Variants in LAMA3 observed in about 807,000 individuals in gnomAD.
The protein encoded by LAMA3 is laminin subunit alpha 3.
A neutral mutation model predicts 402.0 loss-of-function variants in LAMA3; 281 were observed. That is an observed-to-expected ratio of 0.70 (90% CI 0.63 to 0.77). LAMA3 has a LOEUF of 0.77. Among genes scored for constraint, LAMA3 ranks in the 30% least tolerant of loss-of-function variants. The pLI is 0.00. For missense variants in LAMA3, 3,840 were observed against 4,215.5 expected (o/e 0.91, Z 2.47); for synonymous variants, 1,431 against 1,558.4 (o/e 0.92, Z 1.93).
At chr18:23,928,518 C>A in intron 63 of LAMA3, 107 bp from the exon 64 acceptor site, 1 of 1,122,662 alleles carries the variant, frequency 8.9e-7, no homozygotes, top group Non-Finnish European at 1.4e-6. Context: ...TCTGAGGTTA[C>A]ATAAATCACA....
chr18:23,858,634 C>T, intron 33 of LAMA3, 55 bp from the exon 34 acceptor site: 2 of 1,589,302 alleles, frequency 1.3e-6, no homozygotes, highest in Non-Finnish European at 1.7e-6. Context: ...TAGCTAATTG[C>T]AACTAGGGAA....
At chr18:23,868,283 A>G (rs2064415550) in intron 37 of LAMA3, among the ~76,000 whole-genome samples, 1 of 152,238 alleles carries the variant, frequency 6.6e-6, no homozygotes, top group Non-Finnish European at 1.5e-5. Flanking sequence ...CAACTTGTAT[A>G]GATTCAAAAC....
chr18:23,868,402 T>G (rs1402593900), intron 37 of LAMA3, among the ~76,000 whole-genome samples: 1 of 152,166 alleles, frequency 6.6e-6, no homozygotes, highest in Non-Finnish European at 1.5e-5. Flanking sequence ...TATCCATATC[T>G]TAAAAACCCC....
At position 23,769,087 on chromosome 18, in the gene LAMA3, G is replaced by A. The variant is rs58260479; in HGVS notation, c.1183-4410G>A. 4.7e-3 allele frequency among the ~76,000 whole-genome samples: 710 copies of A among 152,226 alleles called. 5 individuals are homozygous for A. Among genetic ancestry groups the A allele is most frequent in the African/African-American group, 0.016 (665 of 41,532 alleles). On this transcript the variant is annotated intron_variant, in intron 8 of 74. Coordinates refer to ENST00000313654, the MANE Select transcript of LAMA3 (RefSeq NM_198129.4). The stretch of plus-strand genomic sequence containing the variant: ...GATCAATCATACACCAAAGCTGAGC[G>A]CCATGCAATATATCCAGCTAACAAA...
rs762156628 is a variant in LAMA3, at chr18:23,842,524, G to A, written c.3463+3G>A. 1.2e-6 allele frequency: 2 copies of A among 1,614,106 alleles called. No homozygotes were observed. The highest frequency in any genetic ancestry group is 4.5e-5 in the East Asian group (2 of 44,878). On this transcript the variant is annotated splice_donor_region_variant and intron_variant, in intron 28 of 74. Transcript: ENST00000313654. ...GGATGGCGGGTGGCCACGGGCAGGT[G>A]AGCTGCAGTGAGCAGGCCCTGCTGC...
chr18:23,901,178 G>A lies in LAMA3; in HGVS notation c.6056G>A (p.Gly2019Glu). Residue 2019 changes from glycine (G) to glutamate (E), a missense_variant, in exon 48 of 75, where the codon GGG (glycine) becomes GAG (glutamate). Gly to Glu is a moderately conservative substitution (Grantham distance 98, BLOSUM62 -2). Coordinates refer to ENST00000313654, the MANE Select transcript of LAMA3 (RefSeq NM_198129.4). ...AAAACCCACCAGGGGGAGAACAATG[G>A]GCTTGCTAACAGTATCCGGGATTCT... ...WQKTHQGENN[G>E]LANSIRDSLN... is the part of the protein sequence containing the mutation. 3 of 1,614,176 alleles carry A rather than the reference G, an allele frequency of 1.9e-6. No homozygotes were observed. The highest frequency in any genetic ancestry group is 2.5e-6 in the Non-Finnish European group (3 of 1,180,028).
At chr18:23,809,075 C>A (rs2063018715) in intron 12 of LAMA3, among the ~76,000 whole-genome samples, 1 of 152,132 alleles carries the variant, frequency 6.6e-6, no homozygotes, top group Non-Finnish European at 1.5e-5. Flanking sequence ...GAGCACCTCC[C>A]CAAGCACTGG....
chr18:23,892,609 A>G (rs1387294878), intron 42 of LAMA3, among the ~76,000 whole-genome samples: 1 of 152,146 alleles, frequency 6.6e-6, no homozygotes, highest in African/African-American at 2.4e-5. Context: ...ATATATACAT[A>G]TAAGAGCAAA....
intron 34 of LAMA3, among the ~76,000 whole-genome samples, chr18:23,859,945 T>A (rs537325992): frequency 2.8e-4 from 42 of 152,254 alleles, no homozygotes; most frequent in African/African-American, 1.0e-3. Flanking sequence ...CCACCACTTA[T>A]CTCATTAGCA....
chr18:23,933,388 TA>T (rs1211836483), intron 66 of LAMA3, among the ~76,000 whole-genome samples: 1 of 152,170 alleles, frequency 6.6e-6, no homozygotes, highest in Non-Finnish European at 1.5e-5. Flanking sequence ...GTGTAATTTT[TA>T]AAAAAATCAT....
intron 69 of LAMA3, among the ~76,000 whole-genome samples, chr18:23,945,272 T>G (rs1599168338): frequency 6.6e-6 from 1 of 152,210 alleles, no homozygotes; most frequent in South Asian, 2.1e-4. Flanking sequence ...TTGCGGAGGC[T>G]GTGGGGAGGT....
At position 23,931,134 on chromosome 18, in the gene LAMA3, T is replaced by C; in HGVS notation, c.8509T>C (p.Phe2837Leu). ...LSTSDSGGPI[F>L]KSPQTYMDGL... ...CACCAGCGATAGCGGCGGCCCAATT[T>C]TTAAATCTCCACAGACGTATATGGA... Residue 2837 changes from phenylalanine to leucine, a missense_variant, in exon 65 of 75, where the codon TTT becomes CTT. Around this residue, in one of 3 missense-constraint regions of LAMA3, gnomAD observed 840 missense variants for 981.9 expected, o/e 0.86. Coordinates refer to ENST00000313654, the MANE Select transcript of LAMA3 (RefSeq NM_198129.4). The C allele has an allele frequency of 6.2e-7, 1 of 1,613,630 alleles. No homozygotes were observed. The highest frequency in any genetic ancestry group is 8.5e-7 in the Non-Finnish European group (1 of 1,179,512).
chr18:23,917,627 G>A (rs1017080921), intron 60 of LAMA3, among the ~76,000 whole-genome samples: 10 of 152,062 alleles, frequency 6.6e-5, no homozygotes, highest in Non-Finnish European at 1.0e-4. Flanking sequence ...GTGATATTGA[G>A]CATTTTTTCA....
At chr18:23,927,324 A>G (rs1185879635) in intron 62 of LAMA3, among the ~76,000 whole-genome samples, 2 of 152,156 alleles carry the variant, frequency 1.3e-5, no homozygotes, top group East Asian at 3.9e-4. Flanking sequence ...GCCTGCCACC[A>G]CGTCCAGCTA....
At chr18:23,713,817 C>T in intron 1 of LAMA3, 103 bp from the exon 2 acceptor site, 2 of 1,025,290 alleles carry the variant, frequency 2.0e-6, no homozygotes, top group East Asian at 5.1e-5. Flanking sequence ...ATAAGATAGT[C>T]TTTGTTTGGT....
chr18:23,810,600 A>G (rs557793645), intron 13 of LAMA3, 97 bp downstream of exon 13: 1 of 1,334,304 alleles, frequency 7.5e-7, no homozygotes, highest in Non-Finnish European at 1.1e-6. Context: ...CAGACTCACC[A>G]CTGGCCACCC....
At chr18:23,874,694 A>G (rs1450103549) in intron 38 of LAMA3, among the ~76,000 whole-genome samples, 2 of 152,234 alleles carry the variant, frequency 1.3e-5, no homozygotes. Flanking sequence ...ATAAGAATGG[A>G]CTGTCTACTT....
chr18:23,868,496 C>T (rs1485884348), intron 37 of LAMA3, among the ~76,000 whole-genome samples: 1 of 152,130 alleles, frequency 6.6e-6, no homozygotes, highest in African/African-American at 2.4e-5. Flanking sequence ...CCTGTAATCC[C>T]AGCTACTTGG....
intron 18 of LAMA3, among the ~76,000 whole-genome samples, chr18:23,817,304 A>G (rs944863086): frequency 6.6e-6 from 1 of 152,220 alleles, no homozygotes; most frequent in Non-Finnish European, 1.5e-5. Context: ...TGTGAAGGGA[A>G]AAAAAGTAAC....
Sources: gnomAD v4.1 joint callset for allele counts (sites outside exome capture counted in the v4.1 genomes callset) on GRCh38, gnomAD v4.1.1 for gene constraint, gnomAD v4.1.1 regional missense constraint, MANE v1.5 for transcripts, NCBI Gene and HGNC (gene_info 2026-07-23, HGNC 2026-07-21) for gene names.